Variants in SAMD5 observed in about 807,000 individuals in gnomAD.
SAMD5 encodes sterile alpha motif domain-containing protein 5.
A neutral mutation model predicts 11.3 loss-of-function variants in SAMD5; 13 were observed. That is an observed-to-expected ratio of 1.15 (90% CI 0.75 to 1.83). The LOEUF is 1.83. Among genes scored for constraint, SAMD5 ranks in the 40% most tolerant of loss-of-function variants. SAMD5 has a pLI of 0.00. For missense variants in SAMD5, 255 were observed against 239.1 expected, an observed-to-expected ratio of 1.07 and a Z score of -0.44; for synonymous variants, 129 against 111.3, an observed-to-expected ratio of 1.16 and a Z score of -1.00.
chr6:147,690,051 C>T (rs1200544926), intron 1 of SAMD5, among the ~76,000 whole-genome samples: 1 of 152,086 alleles, frequency 6.6e-6, no homozygotes, highest in Non-Finnish European at 1.5e-5. Flanking sequence ...AAAAGTTCCA[C>T]CCCACAGTAA....
chr6:147,939,823 T>A, the SAMD5 span, among the ~76,000 whole-genome samples: 74,499 of 151,504 alleles, frequency 0.49, 19,689 homozygotes, highest in African/African-American at 0.7. Flanking sequence ...TTTTTTTTTT[T>A]AATTTTTTAG....
At chr6:147,818,969 A>G in the SAMD5 span, among the ~76,000 whole-genome samples, 330 of 151,922 alleles carry the variant, frequency 2.2e-3, 2 homozygotes, top group African/African-American at 7.5e-3. Context: ...CAGAAATCTC[A>G]TTACTAGGTA....
At chr6:147,572,053 C>G (rs913544916), downstream of SAMD5, among the ~76,000 whole-genome samples, 5 of 152,048 alleles carry the variant, frequency 3.3e-5, no homozygotes, top group Non-Finnish European at 7.4e-5. Flanking sequence ...GTTTGTTCCC[C>G]ACTTGGTGCT....
intron 1 of SAMD5, among the ~76,000 whole-genome samples, chr6:147,704,809 G>C (rs1328625968): frequency 6.6e-6 from 1 of 152,218 alleles, no homozygotes; most frequent in Non-Finnish European, 1.5e-5. Context: ...AGCACTGGTT[G>C]AAGCTTTTCT....
At chr6:147,745,986 C>T in the SAMD5 span, among the ~76,000 whole-genome samples, 1 of 152,092 alleles carries the variant, frequency 6.6e-6, no homozygotes, top group Non-Finnish European at 1.5e-5. Flanking sequence ...AAGTCATCTG[C>T]GCTTCTCGGC....
chr6:147,836,753 T>C, the SAMD5 span, among the ~76,000 whole-genome samples: 1 of 152,198 alleles, frequency 6.6e-6, no homozygotes, highest in Non-Finnish European at 1.5e-5. Flanking sequence ...CCTTACTAAA[T>C]TGTAAGCTCT....
intron 1 of SAMD5, among the ~76,000 whole-genome samples, chr6:147,734,711 T>TAAAAAAAAA (rs61482319): frequency 0.1 from 2,622 of 26,134 alleles, 527 homozygotes; most frequent in Non-Finnish European, 0.18. Flanking sequence ...AGACTCCATC[T>TAAAAAAAAA]AAAAAAAAAA....
chr6:147,946,515 T>A, the SAMD5 span, among the ~76,000 whole-genome samples: 2 of 152,238 alleles, frequency 1.3e-5, no homozygotes, highest in African/African-American at 4.8e-5. Flanking sequence ...CTGTGTTTCA[T>A]GTTCTATAAT....
chr6:147,880,622 G>A, the SAMD5 span, among the ~76,000 whole-genome samples: 4 of 152,036 alleles, frequency 2.6e-5, no homozygotes, highest in South Asian at 2.1e-4. Context: ...ACGTTTTCTC[G>A]GAACCCCTCA....
At chr6:147,827,894 A>G in the SAMD5 span, among the ~76,000 whole-genome samples, 1 of 150,162 alleles carries the variant, frequency 6.7e-6, no homozygotes, top group Admixed American at 6.6e-5. Flanking sequence ...GGTTCACGCC[A>G]TTCTCCTGCC....
chr6:147,952,159 C>A, the SAMD5 span, among the ~76,000 whole-genome samples: 1 of 152,102 alleles, frequency 6.6e-6, no homozygotes, highest in Non-Finnish European at 1.5e-5. Context: ...AATGCCAAAT[C>A]GGTGCTTGAG....
intron 1 of SAMD5, among the ~76,000 whole-genome samples, chr6:147,642,308 G>A (rs1364875466): frequency 6.6e-6 from 1 of 152,072 alleles, no homozygotes; most frequent in Non-Finnish European, 1.5e-5. Flanking sequence ...AATTCTATAT[G>A]ACAAGGGGCT....
Position 147,567,284 on chromosome 6 carries a change from T to G in SAMD5, c.*2828T>G. On this transcript the variant is annotated 3_prime_UTR_variant, in exon 2 of 2. Coordinates refer to ENST00000367474, the MANE Select transcript of SAMD5 (RefSeq NM_001030060.3). ...CAACAAAGGATAGTAGTTTCTCAAC[T>G]GGGAGCATACGAGCAATTTCTCAGT... 2.0e-6 allele frequency: 2 copies of G among 985,330 alleles called. No homozygotes were observed. Among genetic ancestry groups the G allele is most frequent in the Non-Finnish European group, 2.4e-6 (2 of 829,820 alleles). 61.0% of individuals were successfully genotyped at this position (985,330 alleles called of 1,614,324 possible). A position where few individuals can be genotyped will look rare whatever the true frequency, so the allele number is the denominator to read the frequency against.
At chr6:147,593,030 T>G (rs1455182996) in intron 1 of SAMD5, among the ~76,000 whole-genome samples, 1 of 151,846 alleles carries the variant, frequency 6.6e-6, no homozygotes, top group African/African-American at 2.4e-5. Context: ...GCAGAGGTAA[T>G]TAAGGTTGTG....
At chr6:147,517,467 A>G (rs1173344774) in intron 1 of SAMD5, among the ~76,000 whole-genome samples, 3 of 151,198 alleles carry the variant, frequency 2.0e-5, no homozygotes, top group Non-Finnish European at 2.9e-5. Context: ...GGGTCTGCTG[A>G]CCCAGATCTT....
chr6:147,706,490 A>G (rs1791326751), intron 1 of SAMD5, among the ~76,000 whole-genome samples: 1 of 152,228 alleles, frequency 6.6e-6, no homozygotes, highest in South Asian at 2.1e-4. Context: ...GGCCTGCCAA[A>G]GTGCTGGGAC....
intron 1 of SAMD5, among the ~76,000 whole-genome samples, chr6:147,634,673 GA>G (rs1206344758): frequency 6.6e-6 from 1 of 152,122 alleles, no homozygotes; most frequent in Non-Finnish European, 1.5e-5. Flanking sequence ...TATTTTGAAG[GA>G]GGGATTTTAC....
At chr6:147,640,581 A>G (rs959789075) in intron 1 of SAMD5, among the ~76,000 whole-genome samples, 6 of 151,710 alleles carry the variant, frequency 4.0e-5, no homozygotes, top group African/African-American at 1.4e-4. Flanking sequence ...TTCAAGGAGG[A>G]AGCCTTAAGC....
intron 1 of SAMD5, among the ~76,000 whole-genome samples, chr6:147,518,968 A>G (rs560738917): frequency 3.0e-4 from 45 of 152,328 alleles, no homozygotes; most frequent in Middle Eastern, 3.4e-3. Flanking sequence ...TGTCTTACAT[A>G]AAGACTAAGT....
Sources: gnomAD v4.1 joint callset for allele counts (sites outside exome capture counted in the v4.1 genomes callset) on GRCh38, gnomAD v4.1.1 for gene constraint, MANE v1.5 for transcripts, NCBI Gene and HGNC (gene_info 2026-07-23, HGNC 2026-07-21) for gene names.